OSBPL3: variants seen among roughly 807,000 people sequenced by gnomAD.
The protein encoded by OSBPL3 is oxysterol-binding protein-related protein 3.
In OSBPL3, 65 loss-of-function variants were observed where a neutral mutation model predicts 120.1. The ratio of observed to expected loss-of-function variants is 0.54; its 90% CI spans 0.44 to 0.67. The LOEUF (loss-of-function observed/expected upper bound fraction) is 0.67. OSBPL3 is among the 30% of genes least tolerant of loss of function. The pLI, the probability that OSBPL3 is intolerant of heterozygous loss-of-function variation, is 0.00. For missense variants in OSBPL3, 1,004 were observed against 1,082.1 expected (o/e 0.93, Z 1.01); for synonymous variants, 416 against 402.6 (o/e 1.03, Z -0.40).
chr7:24,950,854 A>C (rs1352834546), intron 1 of OSBPL3, among the ~76,000 whole-genome samples: 3 of 152,214 alleles, frequency 2.0e-5, no homozygotes, highest in African/African-American at 7.2e-5. Flanking sequence ...TTGGAACTCA[A>C]GTCACCACAG....
chr7:24,886,053 T>C (rs1287096512), intron 2 of OSBPL3, among the ~76,000 whole-genome samples: 1 of 152,222 alleles, frequency 6.6e-6, no homozygotes, highest in East Asian at 1.9e-4. Context: ...TTAATGTATC[T>C]ACAAGACTTT....
At chr7:24,846,880 T>C (rs6943867) in intron 12 of OSBPL3, among the ~76,000 whole-genome samples, 4,323 of 151,904 alleles carry the variant, frequency 0.028, 125 homozygotes, top group African/African-American at 0.075. Context: ...CTGGCTAACA[T>C]GGTGAAACCC....
chr7:24,823,129 T>C (rs1795311274), intron 16 of OSBPL3, among the ~76,000 whole-genome samples: 1 of 152,186 alleles, frequency 6.6e-6, no homozygotes, highest in African/African-American at 2.4e-5. Context: ...TCCATGGACC[T>C]GGGCCCTGAC....
chr7:24,808,251 C>A lies in OSBPL3; in HGVS notation c.2318-1349G>T, dbSNP rs777710933. Among the ~76,000 whole-genome samples the A allele has an allele frequency of 1.3e-5, 2 of 152,130 alleles. No homozygotes were observed. The highest frequency in any genetic ancestry group is 2.9e-5 in the Non-Finnish European group (2 of 68,032). ...AGTCCTCCTTGTAACTAGTCTAATT[C>A]TCTGTGTATCCTAAGCATAAAAATA... is the stretch of plus-strand genomic sequence containing the variant. On this transcript the variant is annotated intron_variant, in intron 20 of 22. Transcript: ENST00000313367. This position sits in a 1 kb window ranked among gnomAD's most constrained non-coding sequence, Gnocchi z 4.6.
rs1321401365 is a variant in OSBPL3, at chr7:24,965,443, T to C, written c.-150+14443A>G. On this transcript the variant is annotated intron_variant, in intron 1 of 22. Transcript: ENST00000313367. This position sits in a 1 kb window ranked among gnomAD's most constrained non-coding sequence, Gnocchi z 4.3. ...CATATATTAAAGTGATTTACAAATGTGGAAGTGTTATATAAAATAAGGGGG... is the reference window on the plus strand; with the variant it reads ...CATATATTAAAGTGATTTACAAATGCGGAAGTGTTATATAAAATAAGGGGG... Among the ~76,000 whole-genome samples the C allele has an allele frequency of 2.0e-5, 3 of 152,164 alleles. No homozygotes were observed. The highest frequency in any genetic ancestry group is 2.0e-4 in the Admixed American group (3 of 15,278).
chr7:24,961,722 T>A (rs994339951), intron 1 of OSBPL3, among the ~76,000 whole-genome samples: 1 of 152,160 alleles, frequency 6.6e-6, no homozygotes, highest in African/African-American at 2.4e-5. Context: ...TCTGGCATTT[T>A]ATTATAGCAG....
intron 1 of OSBPL3, among the ~76,000 whole-genome samples, chr7:24,949,118 C>T (rs1016109229): frequency 1.3e-4 from 20 of 152,130 alleles, no homozygotes; most frequent in Admixed American, 9.8e-4. Flanking sequence ...AGTAGTTGAG[C>T]GTAAATTCAC....
Position 24,866,244 on chromosome 7 carries a change from T to C in OSBPL3, c.382-7A>G. The C allele has an allele frequency of 1.3e-6, 2 of 1,594,730 alleles. No homozygotes were observed. Among genetic ancestry groups the C allele is most frequent in the South Asian group, 1.1e-5 (1 of 90,648 alleles). ...AGACTTCTTCTGACTTGACCTATAATATATTCGATTGAAAAAAGGAAACAA... is the reference window on the plus strand; with the variant it reads ...AGACTTCTTCTGACTTGACCTATAACATATTCGATTGAAAAAAGGAAACAA... On this transcript the variant is annotated splice_polypyrimidine_tract_variant and splice_region_variant and intron_variant, in intron 5 of 22. Transcript: ENST00000313367.
At position 24,899,617 on chromosome 7, in the gene OSBPL3, A is replaced by G. The variant is rs895847425; in HGVS notation, c.-149-6996T>C. Among the ~76,000 whole-genome samples, 1 of 152,208 alleles carries G rather than the reference A, an allele frequency of 6.6e-6. No homozygotes were observed. The highest frequency in any genetic ancestry group is 1.5e-5 in the Non-Finnish European group (1 of 68,044). On this transcript the variant is annotated intron_variant, in intron 1 of 22. Coordinates refer to ENST00000313367, the MANE Select transcript of OSBPL3 (RefSeq NM_015550.4). This position sits in a 1 kb window ranked among gnomAD's most constrained non-coding sequence, Gnocchi z 4.0. ...GGCATATGAAATCTATACTCACCCAAGTAAATTATACTTGGAGATTTAGTA... is the reference window on the plus strand; with the variant it reads ...GGCATATGAAATCTATACTCACCCAGGTAAATTATACTTGGAGATTTAGTA...
At chr7:24,846,288 G>A (rs1481549603) in intron 12 of OSBPL3, among the ~76,000 whole-genome samples, 1 of 152,318 alleles carries the variant, frequency 6.6e-6, no homozygotes, top group East Asian at 1.9e-4. Flanking sequence ...CTCGTTAGAT[G>A]TGAATTTAAA....
At chr7:24,981,635 G>A (rs1269406303), upstream of OSBPL3, 1 of 152,836 alleles carries the variant, frequency 6.5e-6, no homozygotes, top group African/African-American at 2.4e-5. The surrounding 1 kb of genome is among the most constrained non-coding windows in gnomAD (Gnocchi z 7.3). Context: ...CGAAATGTCT[G>A]GGACTGTCTG....
At position 24,806,642 on chromosome 7, in the gene OSBPL3, G is replaced by T. The variant is rs1218706480; in HGVS notation, c.2444+134C>A. 1 of 733,736 alleles carries T rather than the reference G, an allele frequency of 1.4e-6. No homozygotes were observed. Among genetic ancestry groups the T allele is most frequent in the African/African-American group, 1.8e-5 (1 of 56,292 alleles). 45.5% of individuals were successfully genotyped at this position (733,736 alleles called of 1,614,324 possible). ...CTCCTCCGTGATACAATTGTTTAAA[G>T]CATCCCCACCTCTCAATTCCTGATG... is the stretch of plus-strand genomic sequence containing the variant. On this transcript the variant is annotated intron_variant, in intron 21 of 22. Coordinates refer to ENST00000313367, the MANE Select transcript of OSBPL3 (RefSeq NM_015550.4). The surrounding 1 kb of genome is among the most constrained non-coding windows in gnomAD (Gnocchi z 5.2).
In OSBPL3 at chr7:24,967,906, A is replaced by C. The variant is rs1197524896; in HGVS notation, c.-150+11980T>G. Among the ~76,000 whole-genome samples the C allele has an allele frequency of 2.6e-5, 4 of 152,198 alleles. No individual in the cohort carries two copies. The East Asian group carries it at 7.7e-4, about 29-fold the overall frequency. Reference sequence around the variant, plus strand: ...CTTCAAGCTCAGCATATTCAAAACCAAAAGCACTCTCTTTCTCTAAGATCT... The same window carrying C: ...CTTCAAGCTCAGCATATTCAAAACCCAAAGCACTCTCTTTCTCTAAGATCT... On this transcript the variant is annotated intron_variant, in intron 1 of 22. Transcript: ENST00000313367. The surrounding 1 kb of genome is among the most constrained non-coding windows in gnomAD (Gnocchi z 5.6).
In OSBPL3 at chr7:24,865,357, C is replaced by T. The variant is rs371810274; in HGVS notation, c.658G>A (p.Glu220Lys). The T allele has an allele frequency of 6.2e-7, 1 of 1,613,814 alleles. No homozygotes were observed. The highest frequency in any genetic ancestry group is 1.1e-5 in the South Asian group (1 of 91,018). ...GTCACTCTACCTTTGGAGCATTTTT[C>T]CATGTCCTCTGAAGACTGTAACCAT... ...PLWLQSSEDM[E>K]KCSKDLAHCH... The change falls in exon 7 of 23, where the codon GAA becomes AAA. Residue 220 changes from glutamate to lysine, a missense_variant. Glu to Lys is a moderately conservative substitution (Grantham distance 56, BLOSUM62 1). Transcript: ENST00000313367.
At chr7:24,890,457 G>A (rs922965911) in intron 2 of OSBPL3, among the ~76,000 whole-genome samples, 3 of 152,058 alleles carry the variant, frequency 2.0e-5, no homozygotes, top group Non-Finnish European at 4.4e-5. Context: ...CACAATCTTG[G>A]GCCAGTTTGT....
chr7:24,819,712 T>C lies in OSBPL3; in HGVS notation c.1948+463A>G, dbSNP rs372581254. 1.9e-4 allele frequency among the ~76,000 whole-genome samples: 29 copies of C among 152,300 alleles called. 1 individual carries two copies. The highest frequency in any genetic ancestry group is 7.8e-4 in the Admixed American group (12 of 15,296). ...GAGAGATTAACAAAATTAATCCATC[T>C]AGGAAATATCTATAGCCTTATTTAT... On this transcript the variant is annotated intron_variant, in intron 17 of 22. Coordinates refer to ENST00000313367, the MANE Select transcript of OSBPL3 (RefSeq NM_015550.4). This position sits in a 1 kb window ranked among gnomAD's most constrained non-coding sequence, Gnocchi z 4.1.
chr7:24,861,813 T>A (rs1375992107), intron 9 of OSBPL3, 44 bp from the exon 10 acceptor site: 1 of 1,358,692 alleles, frequency 7.4e-7, no homozygotes, highest in Non-Finnish European at 1.0e-6. Flanking sequence ...AGATGCAGAT[T>A]GCTTAGAATA....
chr7:24,962,681 G>T (rs1033588982), intron 1 of OSBPL3, among the ~76,000 whole-genome samples: 8 of 152,226 alleles, frequency 5.3e-5, no homozygotes, highest in Non-Finnish European at 1.2e-4. Context: ...GCTTGAGAAT[G>T]AAGTCATGTG....
At chr7:24,897,322 T>C (rs1806301640) in intron 1 of OSBPL3, among the ~76,000 whole-genome samples, 2 of 96,526 alleles carry the variant, frequency 2.1e-5, no homozygotes. Flanking sequence ...GGCAGAATCT[T>C]TTTTTTTTTT....
Sources: gnomAD v4.1 joint callset for allele counts (sites outside exome capture counted in the v4.1 genomes callset) on GRCh38, gnomAD v4.1.1 for gene constraint, Gnocchi (gnomAD v3.1) non-coding constraint, MANE v1.5 for transcripts, NCBI Gene and HGNC (gene_info 2026-07-23, HGNC 2026-07-21) for gene names.